The following ISOC1 variants were observed in gnomAD, a reference collection of about 807,000 sequenced individuals.
ISOC1 encodes isochorismatase domain-containing protein 1.
Under a neutral mutation model 30.0 loss-of-function variants are expected in ISOC1, and 33 were observed. That is an observed-to-expected ratio of 1.10 (90% CI 0.83 to 1.47). The LOEUF (loss-of-function observed/expected upper bound fraction) is 1.47. Ranked by LOEUF, ISOC1 falls within the 40% of genes most tolerant of loss-of-function variation. ISOC1 has a pLI of 0.00. For missense variants in ISOC1, 372 were observed against 388.0 expected (o/e 0.96, Z 0.35); for synonymous variants, 178 against 159.8 (o/e 1.11, Z -0.86).
In ISOC1 at chr5:129,113,208, T is replaced by C. The variant is rs999040480; in HGVS notation, c.*207T>C. 4.6e-6 allele frequency: 2 copies of C among 431,782 alleles called. No individual in the cohort carries two copies. The highest frequency in any genetic ancestry group is 4.0e-5 in the African/African-American group (2 of 49,552). 26.7% of individuals were successfully genotyped at this position (431,782 alleles called of 1,614,324 possible). On this transcript the variant is annotated 3_prime_UTR_variant, in exon 5 of 5. Transcript: ENST00000173527. ...AAACGTCAAAGGCTTCCGGTGCTGC[T>C]TACCTTCCTTTTTTGTTAATGTGCT...
intron 1 of ISOC1, among the ~76,000 whole-genome samples, chr5:129,101,672 C>G (rs772275468): frequency 8.5e-5 from 13 of 152,140 alleles, no homozygotes; most frequent in Non-Finnish European, 1.9e-4. Flanking sequence ...GTACATTTGT[C>G]ACAACCAAAG....
chr5:129,105,453 G>A (rs1333884649), intron 3 of ISOC1, 65 bp downstream of exon 3: 2 of 1,376,474 alleles, frequency 1.5e-6, no homozygotes, highest in Non-Finnish European at 2.0e-6. Context: ...TTTGTGGAAT[G>A]TAATTTCATA....
At chr5:129,109,319 A>G (rs931030662) in intron 4 of ISOC1, among the ~76,000 whole-genome samples, 2 of 152,242 alleles carry the variant, frequency 1.3e-5, no homozygotes, top group African/African-American at 4.8e-5. Flanking sequence ...CATTGGTGAA[A>G]TGGAAATGAT....
intron 4 of ISOC1, among the ~76,000 whole-genome samples, chr5:129,112,104 TA>T (rs1753715908): frequency 6.6e-6 from 1 of 152,208 alleles, no homozygotes; most frequent in African/African-American, 2.4e-5. Context: ...TTTTAATTCT[TA>T]TAGTAGTTTT....
intron 1 of ISOC1, among the ~76,000 whole-genome samples, chr5:129,100,052 G>A (rs189391957): frequency 1.3e-5 from 2 of 152,256 alleles, no homozygotes; most frequent in Non-Finnish European, 2.9e-5. Context: ...TGACATTGGA[G>A]CCAGGCCTTA....
intron 4 of ISOC1, among the ~76,000 whole-genome samples, chr5:129,112,561 A>C (rs747344032): frequency 2.0e-5 from 3 of 152,142 alleles, no homozygotes; most frequent in African/African-American, 7.2e-5. Flanking sequence ...CTCATGTTTT[A>C]CAGTCATTTG....
chr5:129,112,252 C>T (rs1753717213), intron 4 of ISOC1, among the ~76,000 whole-genome samples: 1 of 152,052 alleles, frequency 6.6e-6, no homozygotes. Flanking sequence ...ACATGAAGAG[C>T]TACAAAATGC....
rs369815506 is a variant in ISOC1 at position 129,099,914 on chromosome 5, G to C, written c.309+4839G>C. Among the ~76,000 whole-genome samples, 8 of 152,292 alleles carry C rather than the reference G, an allele frequency of 5.3e-5. No homozygotes were observed. The East Asian group carries it at 1.4e-3, about 26-fold the overall frequency. Reference sequence around the variant, plus strand: ...ATTGCATATGGAGATATTTACCTAAGTTCATGTAATCGAAATTAGTGAAAT... The same window carrying C: ...ATTGCATATGGAGATATTTACCTAACTTCATGTAATCGAAATTAGTGAAAT... On this transcript the variant is annotated intron_variant, in intron 1 of 4. Transcript: ENST00000173527.
chr5:129,101,293 C>A (rs1343963394), intron 1 of ISOC1, among the ~76,000 whole-genome samples: 2 of 146,576 alleles, frequency 1.4e-5, no homozygotes, highest in African/African-American at 5.0e-5. Context: ...CCCAGGAATT[C>A]AAGACCAGCC....
intron 4 of ISOC1, among the ~76,000 whole-genome samples, chr5:129,109,637 C>T (rs1185794074): frequency 6.6e-6 from 1 of 152,092 alleles, no homozygotes. Flanking sequence ...AAGGGAAAAC[C>T]GATCATAGAT....
At chr5:129,107,088 C>G (rs1179327462) in intron 4 of ISOC1, 26 bp downstream of exon 4, 2 of 1,542,732 alleles carry the variant, frequency 1.3e-6, no homozygotes, top group Non-Finnish European at 1.8e-6. Context: ...GGGAATAGAT[C>G]ATTTGTCAAG....
chr5:129,106,909 T>TAC (rs780228190), intron 3 of ISOC1, 37 bp from the exon 4 acceptor site: 2 of 1,417,590 alleles, frequency 1.4e-6, no homozygotes, highest in African/African-American at 2.8e-5. Context: ...TTTAGTTTAT[T>TAC]ATGTTATTAC....
chr5:129,096,466 C>A (rs1157843031), intron 1 of ISOC1, among the ~76,000 whole-genome samples: 1 of 152,164 alleles, frequency 6.6e-6, no homozygotes, highest in Admixed American at 6.5e-5. Flanking sequence ...TTCCTGCATT[C>A]AGAGGACAAA....
In ISOC1 at chr5:129,113,394, A is replaced by G. The variant is rs1753736277; in HGVS notation, c.*393A>G. On this transcript the variant is annotated 3_prime_UTR_variant, in exon 5 of 5. Transcript: ENST00000173527. ...ATGATTTGGCTTTTATATTACTGTA[A>G]GATGTTATAATGTTAATGTGGATGT... The G allele has an allele frequency of 6.4e-6, 1 of 157,316 alleles. No homozygotes were observed. Among genetic ancestry groups the G allele is most frequent in the African/African-American group, 2.4e-5 (1 of 41,538 alleles). The allele number at this position is 157,316 out of a possible 1,614,324, so 9.7% of individuals were successfully genotyped here.
In ISOC1 at chr5:129,094,833, T is replaced by C; in HGVS notation, c.67T>C (p.Ser23Pro). The change falls in exon 1 of 5, where the codon TCG (serine) becomes CCG (proline). Residue 23 changes from serine (S) to proline (P), a missense_variant. Transcript: ENST00000173527. ...CGGCGCCGGGGGCGCGGGGGCGCCG[T>C]CGGGCACAGTCCCGGTGCTCTTCTG... ...NSGAGGAGAP[S>P]GTVPVLFCFS... 1.3e-6 allele frequency: 2 copies of C among 1,552,378 alleles called. No homozygotes were observed. Among genetic ancestry groups the C allele is most frequent in the Non-Finnish European group, 1.7e-6 (2 of 1,152,056 alleles).
At position 129,095,024 on chromosome 5, in the gene ISOC1, C is replaced by T. The variant is rs759632921; in HGVS notation, c.258C>T (p.Gly86=). ...GCCAGTACGTGGACTTGCCCAAGGGCTTCGCGGTGAGCGAGCGCTGCAAGG... is the reference window on the plus strand; with the variant it reads ...GCCAGTACGTGGACTTGCCCAAGGGTTTCGCGGTGAGCGAGCGCTGCAAGG... ...EWGQYVDLPK[G]FAVSERCKVR... Residue 86 remains glycine (G), a synonymous_variant, in exon 1 of 5, where the codon GGC becomes GGT. Coordinates refer to ENST00000173527, the MANE Select transcript of ISOC1 (RefSeq NM_016048.2). 1.9e-6 allele frequency: 3 copies of T among 1,600,722 alleles called. No homozygotes were observed. Among genetic ancestry groups the T allele is most frequent in the East Asian group, 4.5e-5 (2 of 44,088 alleles).
intron 3 of ISOC1, among the ~76,000 whole-genome samples, chr5:129,106,041 T>C (rs989558984): frequency 4.6e-5 from 7 of 152,216 alleles, no homozygotes; most frequent in African/African-American, 1.7e-4. Context: ...TAGAAAGATA[T>C]TTCCTCAGGC....
In ISOC1 at chr5:129,112,923, G is replaced by A. The variant is rs764883463; in HGVS notation, c.819G>A (p.Lys273=). ...EAVLLQLVAD[K]DHPKFKEIQN... ...TTCTGCTTCAGCTGGTAGCTGATAA[G>A]GACCATCCAAAATTCAAGGAAATTC... The change falls in exon 5 of 5, where the codon AAG becomes AAA. Residue 273 remains lysine (K), a synonymous_variant. Coordinates refer to ENST00000173527, the MANE Select transcript of ISOC1 (RefSeq NM_016048.2). 1 of 1,613,816 alleles carries A rather than the reference G, an allele frequency of 6.2e-7. No homozygotes were observed. Among genetic ancestry groups the A allele is most frequent in the Non-Finnish European group, 8.5e-7 (1 of 1,179,788 alleles).
At position 129,112,986 on chromosome 5, in the gene ISOC1, G is replaced by A. The variant is rs748447564; in HGVS notation, c.882G>A (p.Leu294=). 3.7e-6 allele frequency: 6 copies of A among 1,612,788 alleles called. No individual in the cohort carries two copies. Among genetic ancestry groups the A allele is most frequent in the Non-Finnish European group, 4.2e-6 (5 of 1,179,290 alleles). ...AGGCGAGTGCTCCAGAGTCGGGTCT[G>A]CTTTCCAAAGTATAGGACATTTGAA... ...LIKASAPESG[L]LSKV The change falls in exon 5 of 5, where the codon CTG becomes CTA. Residue 294 remains leucine, a synonymous_variant. Coordinates refer to ENST00000173527, the MANE Select transcript of ISOC1 (RefSeq NM_016048.2).
Sources: allele counts gnomAD v4.1 joint callset (sites outside exome capture counted in the v4.1 genomes callset), GRCh38; gene constraint gnomAD v4.1.1; transcripts MANE v1.5; gene names NCBI Gene and HGNC (gene_info 2026-07-23, HGNC 2026-07-21).